KIF17: variants seen among roughly 807,000 people sequenced by gnomAD.
KIF17 encodes the protein kinesin-like protein KIF17.
In KIF17, 80 loss-of-function variants were observed where a neutral mutation model predicts 96.8. The observed-to-expected ratio is 0.83, with a 90% CI of 0.69 to 1.00. The LOEUF (loss-of-function observed/expected upper bound fraction) is 1.00. Among genes scored for constraint, KIF17 ranks in the 50% least tolerant of loss-of-function variants. KIF17 has a pLI of 0.00. For missense variants in KIF17, 1,280 were observed against 1,372.9 expected (o/e 0.93, Z 1.07); for synonymous variants, 567 against 587.5 (o/e 0.97, Z 0.51).
chr1:20,681,355 A>AT (rs1392346280), intron 11 of KIF17, among the ~76,000 whole-genome samples: 1 of 150,980 alleles, frequency 6.6e-6, no homozygotes, highest in African/African-American at 2.4e-5. Flanking sequence ...CGCCGGACTA[A>AT]TTTTTGTATT....
chr1:20,688,129 C>T (rs1367091712), intron 7 of KIF17, among the ~76,000 whole-genome samples, 185 bp from the exon 8 acceptor site: 2 of 151,926 alleles, frequency 1.3e-5, no homozygotes, highest in African/African-American at 4.8e-5. Context: ...TCACTGAAAG[C>T]TCTGCCTCCC....
At chr1:20,703,187 ACGG>A (rs2054272468) in intron 5 of KIF17, among the ~76,000 whole-genome samples, 1 of 151,944 alleles carries the variant, frequency 6.6e-6, no homozygotes, top group African/African-American at 2.4e-5. Flanking sequence ...GAATGGATGG[ACGG>A]ATGGATGGGA....
At position 20,685,410 on chromosome 1, in the gene KIF17, C is replaced by T. The variant is rs1401045598; in HGVS notation, c.2020-390G>A. 14 of 398,270 alleles carry T rather than the reference C, an allele frequency of 3.5e-5. No individual in the cohort carries two copies. The highest frequency in any genetic ancestry group is 2.4e-4 in the South Asian group (12 of 49,808). 24.7% of individuals were successfully genotyped at this position (398,270 alleles called of 1,614,324 possible). A position where few individuals can be genotyped will look rare whatever the true frequency, so the allele number is the denominator to read the frequency against. On this transcript the variant is annotated intron_variant, in intron 9 of 14. Transcript: ENST00000400463. The surrounding 1 kb of genome is among the most constrained non-coding windows in gnomAD (Gnocchi z 4.1). ...CTGCCTCCACGGCCTCCCCCGCCAC[C>T]GTGGCCTCCTTTTCCATTGCTAAGA...
intron 6 of KIF17, among the ~76,000 whole-genome samples, chr1:20,694,496 C>T (rs899193711): frequency 1.3e-5 from 2 of 152,156 alleles, no homozygotes; most frequent in Non-Finnish European, 2.9e-5. Context: ...GTCTGGGATC[C>T]TTTGTCTCCT....
chr1:20,663,492 C>T (rs1237783063), downstream of KIF17, among the ~76,000 whole-genome samples: 1 of 152,196 alleles, frequency 6.6e-6, no homozygotes, highest in Non-Finnish European at 1.5e-5. Flanking sequence ...TTCACATTAA[C>T]CCTGTGAGGT....
chr1:20,674,953 C>T (rs1214408335), intron 11 of KIF17, among the ~76,000 whole-genome samples: 2 of 150,852 alleles, frequency 1.3e-5, no homozygotes, highest in African/African-American at 4.9e-5. Context: ...AGTTCGAGAC[C>T]AGCCTGACCA....
chr1:20,664,082 G>T lies in KIF17; in HGVS notation c.*502C>A. The T allele has an allele frequency of 4.8e-6, 1 of 209,130 alleles. No individual in the cohort carries two copies. The allele number at this position is 209,130 out of a possible 1,614,324, so 13.0% of individuals were successfully genotyped here. A position where few individuals can be genotyped will look rare whatever the true frequency, so the allele number is the denominator to read the frequency against. On this transcript the variant is annotated 3_prime_UTR_variant, in exon 15 of 15. Coordinates refer to ENST00000400463, the MANE Select transcript of KIF17 (RefSeq NM_001122819.3). ...CTTCCTTGGGCCACAGACCAGCCAG[G>T]GGTGGGCAGTGCAGGAAGACCTGCT...
chr1:20,671,537 G>T (rs1472669914), intron 12 of KIF17, among the ~76,000 whole-genome samples: 1 of 151,732 alleles, frequency 6.6e-6, no homozygotes, highest in Non-Finnish European at 1.5e-5. Flanking sequence ...GTTTCACCAT[G>T]TTGGCCAGGC....
In KIF17 at chr1:20,685,478, C is replaced by T. The variant is rs764111283; in HGVS notation, c.2020-458G>A. Reference sequence around the variant, plus strand: ...GCCATAGGACCTTGGCACTTGCTATCCCCTCTGCTTGCTGCTTCCCCCCGT... The same window carrying T: ...GCCATAGGACCTTGGCACTTGCTATTCCCTCTGCTTGCTGCTTCCCCCCGT... On this transcript the variant is annotated intron_variant, in intron 9 of 14. Transcript: ENST00000400463. This position sits in a 1 kb window ranked among gnomAD's most constrained non-coding sequence, Gnocchi z 4.1. 2.6e-5 allele frequency among the ~76,000 whole-genome samples: 4 copies of T among 152,012 alleles called. No homozygotes were observed. Among genetic ancestry groups the T allele is most frequent in the African/African-American group, 9.7e-5 (4 of 41,378 alleles).
Position 20,709,826 on chromosome 1 carries a change from C to G in KIF17, c.483G>C (p.Leu161=), listed in dbSNP as rs557612769. ...LGADTKQKLE[L]KEHPEKGVYV... ...ACACGCCCTTCTCTGGGTGCTCCTT[C>G]AGCTGAGGGAGGAGGAACAGTCAGG... The change falls in exon 4 of 15, where the codon CTG becomes CTC. Residue 161 remains leucine, a splice_region_variant and synonymous_variant. Coordinates refer to ENST00000400463, the MANE Select transcript of KIF17 (RefSeq NM_001122819.3). This position sits in a 1 kb window ranked among gnomAD's most constrained non-coding sequence, Gnocchi z 4.7. 25 of 1,606,400 alleles carry G rather than the reference C, an allele frequency of 1.6e-5. No homozygotes were observed. In the South Asian group the frequency reaches 2.7e-4, roughly 17 times the overall value.
At chr1:20,693,446 G>C (rs1031711365) in intron 6 of KIF17, 1 of 150,180 alleles carries the variant, frequency 6.7e-6, no homozygotes, top group Non-Finnish European at 1.5e-5. Context: ...TTGTATTTTT[G>C]GTAAAGATGG....
intron 5 of KIF17, among the ~76,000 whole-genome samples, chr1:20,702,882 C>T (rs140120989): frequency 1.3e-5 from 2 of 152,288 alleles, no homozygotes; most frequent in East Asian, 1.9e-4. Context: ...CCTTCTTCCT[C>T]AGGAGATTAG....
rs1344206412 is a variant in KIF17, at chr1:20,704,367, G to A, written c.1123+80C>T. 4 of 1,179,794 alleles carry A rather than the reference G, an allele frequency of 3.4e-6. No homozygotes were observed. Among genetic ancestry groups the A allele is most frequent in the East Asian group, 2.5e-5 (1 of 39,630 alleles). The allele number at this position is 1,179,794 out of a possible 1,614,324, so 73.1% of individuals were successfully genotyped here. A position where few individuals can be genotyped will look rare whatever the true frequency, so the allele number is the denominator to read the frequency against. On this transcript the variant is annotated intron_variant, in intron 5 of 14. Coordinates refer to ENST00000400463, the MANE Select transcript of KIF17 (RefSeq NM_001122819.3). The surrounding 1 kb of genome is among the most constrained non-coding windows in gnomAD (Gnocchi z 6.8). The stretch of plus-strand genomic sequence containing the variant: ...GCTCCCACTGTCTTTTAGGTGGGAA[G>A]TTGGAGGCGAGAAGACAGAGGGAAG...
At position 20,682,755 on chromosome 1, in the gene KIF17, G is replaced by A; in HGVS notation, c.2361C>T (p.Asn787=). 1.2e-6 allele frequency: 2 copies of A among 1,613,264 alleles called. No homozygotes were observed. Among genetic ancestry groups the A allele is most frequent in the African/African-American group, 1.3e-5 (1 of 75,068 alleles). ...RRKQLVAALQ[N]SDEDSGDWVL... is the part of the protein sequence containing the mutation. Reference sequence around the variant, plus strand: ...CCCAGTCCCCGCTGTCCTCATCCGAGTTCTGCAGGGCAGCCACCAGCTGCT... The same window carrying A: ...CCCAGTCCCCGCTGTCCTCATCCGAATTCTGCAGGGCAGCCACCAGCTGCT... Residue 787 remains asparagine (N), a synonymous_variant, in exon 11 of 15, where the codon AAC becomes AAT. Transcript: ENST00000400463.
Position 20,685,126 on chromosome 1 carries a change from C to A in KIF17, c.2020-106G>T, listed in dbSNP as rs1413749568. ...GACGGGGCCATTCCGCCTGCTGCAG[C>A]CCCGACAGATCACCTCCAGCTCAGG... On this transcript the variant is annotated intron_variant, in intron 9 of 14. Coordinates refer to ENST00000400463, the MANE Select transcript of KIF17 (RefSeq NM_001122819.3). This position sits in a 1 kb window ranked among gnomAD's most constrained non-coding sequence, Gnocchi z 4.1. 3.5e-6 allele frequency: 3 copies of A among 849,412 alleles called. No homozygotes were observed. Among genetic ancestry groups the A allele is most frequent in the Admixed American group, 2.0e-5 (1 of 49,166 alleles). 52.6% of individuals were successfully genotyped at this position (849,412 alleles called of 1,614,324 possible).
chr1:20,685,014 C>G lies in KIF17; in HGVS notation c.2026G>C (p.Asp676His). Residue 676 changes from aspartate (D) to histidine (H), a missense_variant, in exon 10 of 15, where the codon GAT becomes CAT. By Grantham distance (81) the Asp-to-His change is moderately conservative (BLOSUM62 -1). Transcript: ENST00000400463. The surrounding 1 kb of genome is among the most constrained non-coding windows in gnomAD (Gnocchi z 4.1). The stretch of plus-strand genomic sequence containing the variant: ...TCTAAGGCCACTTCCGAGGCCAGAT[C>G]TACCTCCTGAGTGTGAAGAGAAACC... ...ADDFPPRPEVDLASEVALEVV... is the reference protein window; with the variant it reads ...ADDFPPRPEVHLASEVALEVV... The G allele has an allele frequency of 1.3e-6, 2 of 1,592,508 alleles. No individual in the cohort carries two copies. Among genetic ancestry groups the G allele is most frequent in the Middle Eastern group, 1.7e-4 (1 of 6,046 alleles).
intron 5 of KIF17, among the ~76,000 whole-genome samples, chr1:20,701,302 G>A (rs763531538): frequency 3.3e-5 from 5 of 152,200 alleles, no homozygotes; most frequent in African/African-American, 4.8e-5. Flanking sequence ...ATGGTGGTGC[G>A]TGCCTGTAGT....
chr1:20,689,662 AT>A (rs11326995), intron 7 of KIF17, among the ~76,000 whole-genome samples: 78,947 of 151,396 alleles, frequency 0.52, 21,505 homozygotes, highest in East Asian at 0.78. Context: ...AAACAAAGAA[AT>A]TTTTTTTTAA....
chr1:20,688,040 G>GTT, intron 7 of KIF17, 96 bp from the exon 8 acceptor site: 1 of 1,076,574 alleles, frequency 9.3e-7, no homozygotes, highest in East Asian at 2.5e-5. Context: ...TGTTTTTTTT[G>GTT]TTTGTTTTTT....
Sources: allele counts gnomAD v4.1 joint callset (sites outside exome capture counted in the v4.1 genomes callset), GRCh38; gene constraint gnomAD v4.1.1; non-coding constraint Gnocchi (gnomAD v3.1); transcripts MANE v1.5; gene names NCBI Gene and HGNC (gene_info 2026-07-23, HGNC 2026-07-21).